The following DLGAP1 variants were observed in gnomAD, a reference collection of about 807,000 sequenced individuals.
DLGAP1 encodes disks large-associated protein 1.
DLGAP1 carries 11 observed loss-of-function variants against 90.8 expected under a neutral mutation model. The observed-to-expected ratio is 0.12, with a 90% CI of 0.08 to 0.20. The LOEUF (loss-of-function observed/expected upper bound fraction) is 0.20. DLGAP1 is among the 10% of genes least tolerant of loss of function. The pLI is 1.00. For missense variants in DLGAP1, 1,050 were observed against 1,333.8 expected (o/e 0.79, Z 3.31); for synonymous variants, 558 against 540.7 (o/e 1.03, Z -0.44).
intron 1 of DLGAP1, among the ~76,000 whole-genome samples, chr18:4,251,180 TAGAC>T (rs1269218785): frequency 5.3e-5 from 8 of 152,150 alleles, no homozygotes; most frequent in South Asian, 2.1e-4. Flanking sequence ...GAGAGATAGA[TAGAC>T]AGAGAGAAAG....
At chr18:3,641,009 A>C (rs1295570685) in intron 7 of DLGAP1, among the ~76,000 whole-genome samples, 1 of 152,228 alleles carries the variant, frequency 6.6e-6, no homozygotes, top group African/African-American at 2.4e-5. Context: ...CAAACCAAGC[A>C]GTCAGAATCT....
chr18:3,814,371 T>TG, intron 4 of DLGAP1, 98 bp from the exon 5 acceptor site: 1 of 1,231,538 alleles, frequency 8.1e-7, no homozygotes, highest in Non-Finnish European at 1.1e-6. Context: ...ATTTTTTTTT[T>TG]TTTTTTTTGA....
At chr18:3,996,217 T>C (rs1473799258) in intron 3 of DLGAP1, among the ~76,000 whole-genome samples, 7 of 152,154 alleles carry the variant, frequency 4.6e-5, no homozygotes, top group Admixed American at 3.9e-4. Flanking sequence ...ACAAGTCAAT[T>C]CTGATAAGAT....
At chr18:3,608,180 G>A (rs1785374) in intron 7 of DLGAP1, 2,938 of 152,352 alleles carry the variant, frequency 0.019, 94 homozygotes, top group East Asian at 0.11. Flanking sequence ...AAATTAGCCG[G>A]GTGTGGTGGC....
Position 3,729,008 on chromosome 18 carries a change from T to G in DLGAP1, c.1591+127A>C. On this transcript the variant is annotated intron_variant, in intron 7 of 12. Coordinates refer to ENST00000315677, the MANE Select transcript of DLGAP1 (RefSeq NM_004746.4). The surrounding 1 kb of genome is among the most constrained non-coding windows in gnomAD (Gnocchi z 6.2). Reference sequence around the variant, plus strand: ...GCAGATAGGGAAGGAAAACCTTTGGTTTGTAGGACATGGGTGGTATCTTGT... The same window carrying G: ...GCAGATAGGGAAGGAAAACCTTTGGGTTGTAGGACATGGGTGGTATCTTGT... 7.2e-7 allele frequency: 1 copy of G among 1,391,312 alleles called. No individual in the cohort carries two copies. The highest frequency in any genetic ancestry group is 2.6e-5 in the Admixed American group (1 of 38,874). The allele number at this position is 1,391,312 out of a possible 1,614,324, so 86.2% of individuals were successfully genotyped here.
At chr18:3,997,071 ATTTTT>A (rs869260389) in intron 3 of DLGAP1, among the ~76,000 whole-genome samples, 1 of 43,288 alleles carries the variant, frequency 2.3e-5, no homozygotes, top group Non-Finnish European at 4.3e-5. Flanking sequence ...CTTTATTTAG[ATTTTT>A]TTTTAATATT....
rs2049699600 is a variant in DLGAP1 at position 3,496,483 on chromosome 18, G to T, written c.*2702C>A. 1 of 151,938 alleles carries T rather than the reference G, an allele frequency of 6.6e-6. No homozygotes were observed. The highest frequency in any genetic ancestry group is 1.5e-5 in the Non-Finnish European group (1 of 67,984). The allele number at this position is 151,938 out of a possible 1,614,324, so 9.4% of individuals were successfully genotyped here. A position where few individuals can be genotyped will look rare whatever the true frequency, so the allele number is the denominator to read the frequency against. ...TTTCTTCATCTCTCTTTACAAAAAGGTTATGTGAATTGTATGGAAACATCT... is the reference window on the plus strand; with the variant it reads ...TTTCTTCATCTCTCTTTACAAAAAGTTTATGTGAATTGTATGGAAACATCT... On this transcript the variant is annotated 3_prime_UTR_variant, in exon 13 of 13. Transcript: ENST00000315677.
Position 3,534,631 on chromosome 18 carries a change from A to T in DLGAP1, c.2058-16T>A. On this transcript the variant is annotated splice_polypyrimidine_tract_variant and intron_variant, in intron 9 of 12. Transcript: ENST00000315677. ...CCTGCGGAAGCTTGGGAGAATAGAA[A>T]AAAGAAATTTAGTTAGAGGATATTT... 6.6e-7 allele frequency: 1 copy of T among 1,523,290 alleles called. No individual in the cohort carries two copies. Among genetic ancestry groups the T allele is most frequent in the Admixed American group, 2.3e-5 (1 of 44,024 alleles). The allele number at this position is 1,523,290 out of a possible 1,614,324, so 94.4% of individuals were successfully genotyped here.
chr18:3,997,080 T>A lies in DLGAP1; in HGVS notation c.-73+8036A>T, dbSNP rs183133963. Among the ~76,000 whole-genome samples the A allele has an allele frequency of 5.2e-3, 594 of 114,524 alleles. 97 individuals carry two copies. The highest frequency in any genetic ancestry group is 0.019 in the African/African-American group (549 of 28,886). 75.1% of individuals were successfully genotyped at this position (114,524 alleles called of 152,430 possible). A position where few individuals can be genotyped will look rare whatever the true frequency, so the allele number is the denominator to read the frequency against. On this transcript the variant is annotated intron_variant, in intron 3 of 12. Coordinates refer to ENST00000315677, the MANE Select transcript of DLGAP1 (RefSeq NM_004746.4). Reference sequence around the variant, plus strand: ...AATAAGCTTTATTTAGATTTTTTTTTAATATTTTATATTTGCATCCATGCC... The same window carrying A: ...AATAAGCTTTATTTAGATTTTTTTTAAATATTTTATATTTGCATCCATGCC...
chr18:3,712,834 C>G (rs1208553653), intron 7 of DLGAP1, among the ~76,000 whole-genome samples: 1 of 152,224 alleles, frequency 6.6e-6, no homozygotes, highest in Non-Finnish European at 1.5e-5. Context: ...TAAGCAAGTG[C>G]ACCGAAAAGA....
chr18:4,191,807 T>C (rs1405505714), intron 1 of DLGAP1, among the ~76,000 whole-genome samples: 1 of 152,218 alleles, frequency 6.6e-6, no homozygotes, highest in African/African-American at 2.4e-5. Context: ...TCTAGAGCAC[T>C]TGTCCAACTG....
At chr18:4,422,816 G>A (rs141550075) in intron 1 of DLGAP1, among the ~76,000 whole-genome samples, 2 of 151,910 alleles carry the variant, frequency 1.3e-5, no homozygotes, top group Admixed American at 6.6e-5. Flanking sequence ...AAGAAAAAGC[G>A]AGCCTACAGT....
At chr18:4,295,628 A>G (rs1164234549) in intron 1 of DLGAP1, among the ~76,000 whole-genome samples, 2 of 152,228 alleles carry the variant, frequency 1.3e-5, no homozygotes, top group Non-Finnish European at 1.5e-5. Flanking sequence ...AGCTAGCACC[A>G]TTTCATCTGG....
intron 1 of DLGAP1, among the ~76,000 whole-genome samples, chr18:4,193,907 T>G (rs534057965): frequency 6.6e-6 from 1 of 152,266 alleles, no homozygotes; most frequent in South Asian, 2.1e-4. Context: ...AATCTGGAAA[T>G]TAAACAGAAT....
chr18:3,592,547 T>A (rs764122152), intron 7 of DLGAP1, among the ~76,000 whole-genome samples: 1 of 152,050 alleles, frequency 6.6e-6, no homozygotes, highest in African/African-American at 2.4e-5. Flanking sequence ...AAGAACTTAA[T>A]AGACATGGGG....
At chr18:4,035,997 G>A (rs926369298) in intron 2 of DLGAP1, among the ~76,000 whole-genome samples, 3 of 151,948 alleles carry the variant, frequency 2.0e-5, no homozygotes, top group African/African-American at 7.3e-5. Flanking sequence ...ACTTAGTACC[G>A]GGAAAACCTA....
chr18:4,077,982 T>C (rs1008615402), intron 2 of DLGAP1, among the ~76,000 whole-genome samples: 1 of 152,166 alleles, frequency 6.6e-6, no homozygotes, highest in Non-Finnish European at 1.5e-5. Context: ...CTGAAGCCTC[T>C]GGTGGAATAT....
At chr18:4,230,077 T>G (rs374546591) in intron 1 of DLGAP1, among the ~76,000 whole-genome samples, 1 of 151,984 alleles carries the variant, frequency 6.6e-6, no homozygotes, top group South Asian at 2.1e-4. Flanking sequence ...AAATTAAAAC[T>G]ACAATGCTAT....
At chr18:3,713,852 T>C (rs554543290) in intron 7 of DLGAP1, among the ~76,000 whole-genome samples, 10 of 152,262 alleles carry the variant, frequency 6.6e-5, no homozygotes, top group Admixed American at 2.0e-4. Flanking sequence ...TTTGAACATA[T>C]GGGAAATCCA....
Sources: gnomAD v4.1 joint callset for allele counts (sites outside exome capture counted in the v4.1 genomes callset) on GRCh38, gnomAD v4.1.1 for gene constraint, Gnocchi (gnomAD v3.1) non-coding constraint, MANE v1.5 for transcripts, NCBI Gene and HGNC (gene_info 2026-07-23, HGNC 2026-07-21) for gene names.